YIPF4: variants seen among roughly 807,000 people sequenced by gnomAD.
YIPF4 encodes Yip1 domain family member 4.
Under a neutral mutation model 29.4 loss-of-function variants are expected in YIPF4, and 18 were observed. That is an observed-to-expected ratio of 0.61 (90% CI 0.42 to 0.91). The LOEUF is 0.91. Among genes scored for constraint, YIPF4 ranks in the 40% least tolerant of loss-of-function variants. The probability of loss-of-function intolerance (pLI) is 0.00; values close to 1 mark genes in which losing one functional copy is unlikely to be tolerated. For missense variants in YIPF4, 279 were observed against 282.7 expected (o/e 0.99, Z 0.09); for synonymous variants, 115 against 104.7 (o/e 1.10, Z -0.60).
chr2:32,304,169 C>T (rs993247653), intron 5 of YIPF4, among the ~76,000 whole-genome samples: 10 of 151,982 alleles, frequency 6.6e-5, no homozygotes, highest in African/African-American at 2.4e-4. Context: ...AGCTATTTCA[C>T]GTTTCTTATT....
chr2:32,278,167 G>A lies in YIPF4; in HGVS notation c.12G>A (p.Pro4=), dbSNP rs560858627. The change falls in exon 1 of 6, where the codon CCG becomes CCA. Residue 4 remains proline (P), a synonymous_variant. Transcript: ENST00000238831. The stretch of plus-strand genomic sequence containing the variant: ...GGAGTCGCCGCGAGATGCAGCCTCC[G>A]GGCCCGCCCCCGGCCTATGCCCCCA... The part of the protein sequence containing the change: MQP[P]GPPPAYAPTN... 318 of 1,565,354 alleles carry A rather than the reference G, an allele frequency of 2.0e-4. 1 individual carries two copies. In the East Asian group the frequency reaches 2.2e-3, roughly 11 times the overall value.
chr2:32,285,656 C>CTTTTTTTTTTT (rs1177156259), intron 1 of YIPF4, among the ~76,000 whole-genome samples: 1 of 137,892 alleles, frequency 7.3e-6, no homozygotes, highest in Non-Finnish European at 1.6e-5. Flanking sequence ...TTAGTTTTTC[C>CTTTTTTTTTTT]TTTTTTTTTT....
intron 1 of YIPF4, among the ~76,000 whole-genome samples, chr2:32,286,918 T>G (rs2030700599): frequency 6.6e-6 from 1 of 152,194 alleles, no homozygotes; most frequent in Non-Finnish European, 1.5e-5. Flanking sequence ...ATTAGTTTCT[T>G]GATCTCTTTC....
At chr2:32,278,990 T>C (rs2030248065) in intron 1 of YIPF4, among the ~76,000 whole-genome samples, 1 of 151,998 alleles carries the variant, frequency 6.6e-6, no homozygotes, top group South Asian at 2.1e-4. Context: ...ATTTTTTTTT[T>C]TTTCTTGAGC....
chr2:32,313,909 G>A lies in YIPF4; in HGVS notation c.*8283G>A, dbSNP rs1162224495. The A allele has an allele frequency of 6.6e-6, 1 of 151,942 alleles. No homozygotes were observed. The highest frequency in any genetic ancestry group is 2.4e-5 in the African/African-American group (1 of 41,344). 9.4% of individuals were successfully genotyped at this position (151,942 alleles called of 1,614,324 possible). On this transcript the variant is annotated 3_prime_UTR_variant, in exon 6 of 6. Transcript: ENST00000238831. ...GTAGAGACGGGATTTCACCATGTTG[G>A]TCTCGAACTGCTAACCTCAGGTGAT...
chr2:32,279,651 C>T (rs1288501943), intron 1 of YIPF4, among the ~76,000 whole-genome samples: 3 of 150,922 alleles, frequency 2.0e-5, no homozygotes, highest in East Asian at 2.0e-4. Context: ...CCTCGTGATC[C>T]GTCCGCCTCG....
intron 1 of YIPF4, among the ~76,000 whole-genome samples, chr2:32,280,481 G>A (rs1327327514): frequency 6.0e-4 from 91 of 150,670 alleles, no homozygotes; most frequent in Non-Finnish European, 1.2e-3. Context: ...CCGGGTTCAC[G>A]CCATTCTCTG....
intron 1 of YIPF4, among the ~76,000 whole-genome samples, chr2:32,289,550 GACA>G (rs1447286129): frequency 6.6e-6 from 1 of 152,168 alleles, no homozygotes; most frequent in Non-Finnish European, 1.5e-5. Context: ...GACTTGCACT[GACA>G]GTATTGATGG....
intron 3 of YIPF4, among the ~76,000 whole-genome samples, chr2:32,295,916 T>G (rs774215896): frequency 2.6e-5 from 4 of 152,170 alleles, no homozygotes; most frequent in Non-Finnish European, 5.9e-5. Context: ...GTTTTCATCT[T>G]TTAAGGACAA....
chr2:32,282,204 G>A (rs2030450309), intron 1 of YIPF4, among the ~76,000 whole-genome samples: 1 of 152,174 alleles, frequency 6.6e-6, no homozygotes, highest in African/African-American at 2.4e-5. Flanking sequence ...GCTGAAGCAA[G>A]ATGATTGCTT....
At chr2:32,282,605 T>G (rs1335892361) in intron 1 of YIPF4, among the ~76,000 whole-genome samples, 2 of 152,018 alleles carry the variant, frequency 1.3e-5, no homozygotes, top group African/African-American at 4.8e-5. Flanking sequence ...GCTAATGTTT[T>G]GTATCGTTAG....
rs1039751242 is a variant in YIPF4 at position 32,310,339 on chromosome 2, CATA to C, written c.*4720_*4722del. 146 of 151,968 alleles carry C rather than the reference CATA, an allele frequency of 9.6e-4. No homozygotes were observed. Among genetic ancestry groups the C allele is most frequent in the African/African-American group, 3.4e-3 (139 of 41,462 alleles). The allele number at this position is 151,968 out of a possible 1,614,324, so 9.4% of individuals were successfully genotyped here. On this transcript the variant is annotated 3_prime_UTR_variant, in exon 6 of 6. Coordinates refer to ENST00000238831, the MANE Select transcript of YIPF4 (RefSeq NM_032312.4). The stretch of plus-strand genomic sequence containing the variant: ...AGCGAGATCCTGCCTCTGAAAAAAT[CATA>C]ATAATACTTTAATTTAGAAAATACC...
chr2:32,277,959 C>A lies in YIPF4; in HGVS notation c.-197C>A. On this transcript the variant is annotated 5_prime_UTR_variant, in exon 1 of 6. Coordinates refer to ENST00000238831, the MANE Select transcript of YIPF4 (RefSeq NM_032312.4). The stretch of plus-strand genomic sequence containing the variant: ...CGTCGTGGTGCTTGGGTGGTCGCCA[C>A]CAAGAAGACTTTGGTGGGGTAGTCT... 1 of 539,694 alleles carries A rather than the reference C, an allele frequency of 1.9e-6. No homozygotes were observed. The highest frequency in any genetic ancestry group is 2.0e-5 in the African/African-American group (1 of 49,184). The allele number at this position is 539,694 out of a possible 1,614,324, so 33.4% of individuals were successfully genotyped here.
In YIPF4 at chr2:32,306,138, CTT is replaced by C. The variant is rs35832404; in HGVS notation, c.*516_*517del. Reference sequence around the variant, plus strand: ...TAAGATATTAAATCTGATGCACAAACTTTTTAATTTGGCCATTAATCTTTTTT... The same window carrying C: ...TAAGATATTAAATCTGATGCACAAACTTTAATTTGGCCATTAATCTTTTTT... On this transcript the variant is annotated 3_prime_UTR_variant, in exon 6 of 6. Coordinates refer to ENST00000238831, the MANE Select transcript of YIPF4 (RefSeq NM_032312.4). 315,884 of 788,724 alleles carry C rather than the reference CTT, an allele frequency of 0.4. 64,704 individuals carry two copies. The highest frequency in any genetic ancestry group is 0.41 in the Non-Finnish European group (268,444 of 651,028). 48.9% of individuals were successfully genotyped at this position (788,724 alleles called of 1,614,324 possible).
chr2:32,293,998 C>T (rs2031051754), intron 3 of YIPF4, among the ~76,000 whole-genome samples: 1 of 141,328 alleles, frequency 7.1e-6, no homozygotes, highest in Admixed American at 7.1e-5. Context: ...GGGGCTGATC[C>T]CCCCACCTCC....
intron 1 of YIPF4, among the ~76,000 whole-genome samples, chr2:32,289,538 G>A (rs964809641): frequency 3.3e-5 from 5 of 152,194 alleles, no homozygotes; most frequent in Non-Finnish European, 7.3e-5. Flanking sequence ...CTATAATCAT[G>A]TGACTTGCAC....
intron 1 of YIPF4, among the ~76,000 whole-genome samples, chr2:32,287,673 G>A (rs2030735879): frequency 6.6e-6 from 1 of 152,134 alleles, no homozygotes; most frequent in African/African-American, 2.4e-5. Context: ...ATACATTTGA[G>A]TTGAAAGGGA....
chr2:32,304,339 C>T (rs2031505198), intron 5 of YIPF4, among the ~76,000 whole-genome samples: 1 of 151,714 alleles, frequency 6.6e-6, no homozygotes, highest in South Asian at 2.1e-4. Flanking sequence ...TCATGAAATA[C>T]AAATGCAGTT....
intron 3 of YIPF4, among the ~76,000 whole-genome samples, chr2:32,293,504 A>C (rs890755955): frequency 3.9e-5 from 6 of 152,172 alleles, no homozygotes; most frequent in Admixed American, 6.5e-5. Context: ...CCACACAGAC[A>C]CGGCAACCAT....
Sources: allele counts gnomAD v4.1 joint callset (sites outside exome capture counted in the v4.1 genomes callset), GRCh38; gene constraint gnomAD v4.1.1; transcripts MANE v1.5; gene names NCBI Gene and HGNC (gene_info 2026-07-23, HGNC 2026-07-21).